TRIM14: variants seen among roughly 807,000 people sequenced by gnomAD.
The protein encoded by TRIM14 is tripartite motif containing 14.
Under a neutral mutation model 44.5 loss-of-function variants are expected in TRIM14, and 28 were observed. The ratio of observed to expected loss-of-function variants is 0.63; its 90% CI spans 0.47 to 0.86. The LOEUF is 0.86. Among genes scored for constraint, TRIM14 ranks in the 40% least tolerant of loss-of-function variants. TRIM14 has a pLI of 0.00. For synonymous variants in TRIM14, 299 were observed against 269.2 expected, an observed-to-expected ratio of 1.11 and a Z score of -1.08; for missense variants, 607 against 611.1, an observed-to-expected ratio of 0.99 and a Z score of 0.07.
At chr9:98,073,271 CTTTTTTTTTTTT>C (rs10606237) in intron 6 of TRIM14, among the ~76,000 whole-genome samples, 15 of 57,848 alleles carry the variant, frequency 2.6e-4, no homozygotes, top group East Asian at 6.9e-4. Context: ...TCACCATGGG[CTTTTTTTTTTTT>C]TTTTTTTTTT....
At position 98,087,242 on chromosome 9, in the gene TRIM14, C is replaced by A. The variant is rs372403496; in HGVS notation, c.*228G>T. On this transcript the variant is annotated 3_prime_UTR_variant, in exon 6 of 6. Coordinates refer to ENST00000341469, the MANE Select transcript of TRIM14 (RefSeq NM_014788.4). ...TGTAAGTGATGGTGGGGTGAGGGTGCGGAGGTCTGATGAGAGGGCAGCAGC... is the reference window on the plus strand; with the variant it reads ...TGTAAGTGATGGTGGGGTGAGGGTGAGGAGGTCTGATGAGAGGGCAGCAGC... 5.1e-5 allele frequency: 40 copies of A among 789,120 alleles called. No individual in the cohort carries two copies. The highest frequency in any genetic ancestry group is 7.9e-5 in the Non-Finnish European group (34 of 428,272). The allele number at this position is 789,120 out of a possible 1,614,324, so 48.9% of individuals were successfully genotyped here.
At chr9:98,083,500 G>GCAGT (rs1204332592), downstream of TRIM14, among the ~76,000 whole-genome samples, 1 of 152,152 alleles carries the variant, frequency 6.6e-6, no homozygotes, top group Non-Finnish European at 1.5e-5. Context: ...GCATTGTATA[G>GCAGT]CAGTCACTCC....
At chr9:98,079,924 C>CCACCTGAGGCCAGACACCGTGG (rs1208550904), downstream of TRIM14, among the ~76,000 whole-genome samples, 1 of 152,188 alleles carries the variant, frequency 6.6e-6, no homozygotes, top group East Asian at 1.9e-4. Context: ...TTGTTAAATC[C>CCACCTGAGGCCAGACACCGTGG]CACCTGAGGC....
At chr9:98,102,911 G>A (rs955478094) in intron 2 of TRIM14, among the ~76,000 whole-genome samples, 3 of 152,132 alleles carry the variant, frequency 2.0e-5, no homozygotes, top group African/African-American at 7.2e-5. Context: ...AGTAGGCTGG[G>A]CGCGGTGGCT....
downstream of TRIM14, among the ~76,000 whole-genome samples, chr9:98,066,393 G>A (rs1440574575): frequency 6.6e-6 from 1 of 152,164 alleles, no homozygotes; most frequent in East Asian, 1.9e-4. Context: ...GGTGATGTGT[G>A]ATGACATCAT....
chr9:98,100,337 C>T (rs753574674), intron 2 of TRIM14, among the ~76,000 whole-genome samples, 173 bp from the exon 3 acceptor site: 9 of 152,004 alleles, frequency 5.9e-5, no homozygotes, highest in South Asian at 2.1e-4. Flanking sequence ...CATCACCGAT[C>T]GTAAAATGCA....
At chr9:98,113,112 TCAAAAAA>T (rs1826916472) in intron 1 of TRIM14, among the ~76,000 whole-genome samples, 1 of 61,912 alleles carries the variant, frequency 1.6e-5, no homozygotes, top group African/African-American at 7.5e-5. Flanking sequence ...AAACTCCATC[TCAAAAAA>T]AAAAAAAAAA....
At chr9:98,077,374 A>T (rs989240487) in intron 6 of TRIM14, among the ~76,000 whole-genome samples, 33 of 141,426 alleles carry the variant, frequency 2.3e-4, no homozygotes, top group African/African-American at 7.8e-4. Context: ...CTTTTTAAGA[A>T]TTTTTTTTTT....
intron 1 of TRIM14, among the ~76,000 whole-genome samples, chr9:98,112,533 G>A (rs914168646): frequency 6.6e-6 from 1 of 152,300 alleles, no homozygotes; most frequent in Admixed American, 6.5e-5. Flanking sequence ...GGGTGTGGTG[G>A]CTCCTGCCTG....
the TRIM14 span, among the ~76,000 whole-genome samples, chr9:98,063,137 A>T: frequency 9.2e-5 from 14 of 152,040 alleles, no homozygotes; most frequent in South Asian, 2.7e-3. Context: ...CATGTTAGCC[A>T]GGCTGATCTC....
At chr9:98,101,218 A>G (rs926957431) in intron 2 of TRIM14, among the ~76,000 whole-genome samples, 5 of 151,858 alleles carry the variant, frequency 3.3e-5, no homozygotes. Flanking sequence ...CAGGTGATCC[A>G]CCTGCCTCAG....
chr9:98,075,409 G>A (rs1272033862), intron 6 of TRIM14: 1 of 149,762 alleles, frequency 6.7e-6, no homozygotes, highest in Admixed American at 6.7e-5. Context: ...GAGGGAGGAA[G>A]GAAAGGGAGA....
the TRIM14 span, chr9:98,056,973 G>T: frequency 1.4e-5 from 22 of 1,542,654 alleles, no homozygotes; most frequent in Middle Eastern, 2.1e-4. Context: ...CCGGGATTCG[G>T]GCGCCGGGAG....
At chr9:98,052,470 C>T in the TRIM14 span, among the ~76,000 whole-genome samples, 2 of 151,016 alleles carry the variant, frequency 1.3e-5, no homozygotes, top group Non-Finnish European at 2.9e-5. Flanking sequence ...TGATTTTAAC[C>T]ATATAGCTCT....
At chr9:98,043,096 T>C in the TRIM14 span, among the ~76,000 whole-genome samples, 4 of 152,110 alleles carry the variant, frequency 2.6e-5, no homozygotes. Flanking sequence ...TAAGACCTCT[T>C]TTTTTCCCCC....
chr9:98,079,697 T>C (rs141235030), downstream of TRIM14, among the ~76,000 whole-genome samples: 13 of 152,332 alleles, frequency 8.5e-5, no homozygotes, highest in Non-Finnish European at 1.6e-4. Context: ...TGACCCCAGC[T>C]ATTTTCCTTT....
chr9:98,110,551 G>A (rs990898466), intron 1 of TRIM14, among the ~76,000 whole-genome samples: 3 of 151,816 alleles, frequency 2.0e-5, no homozygotes, highest in Non-Finnish European at 4.4e-5. Flanking sequence ...GTGTGATCTC[G>A]TCTCCATCTT....
chr9:98,052,912 T>C, the TRIM14 span, among the ~76,000 whole-genome samples: 4 of 152,250 alleles, frequency 2.6e-5, no homozygotes, highest in African/African-American at 7.2e-5. Context: ...ACTAAGGTCA[T>C]AACTTAACCA....
rs7044419 is a variant in TRIM14 at position 98,102,456 on chromosome 9, T to C, written c.304-2292A>G. Among the ~76,000 whole-genome samples the C allele has an allele frequency of 9.5e-3, 1,445 of 152,352 alleles. 21 individuals carry two copies. The highest frequency in any genetic ancestry group is 0.033 in the African/African-American group (1,372 of 41,580). Reference sequence around the variant, plus strand: ...ATGGGATATGTATATCGGTTCATTATATAAATTGTCCTACATTCGTACAAT... The same window carrying C: ...ATGGGATATGTATATCGGTTCATTACATAAATTGTCCTACATTCGTACAAT... On this transcript the variant is annotated intron_variant, in intron 2 of 5. Transcript: ENST00000341469.
Sources: gnomAD v4.1 joint callset for allele counts (sites outside exome capture counted in the v4.1 genomes callset) on GRCh38, gnomAD v4.1.1 for gene constraint, MANE v1.5 for transcripts, NCBI Gene and HGNC (gene_info 2026-07-23, HGNC 2026-07-21) for gene names.